The following MGRN1 variants were observed in gnomAD, a reference collection of about 807,000 sequenced individuals.
The protein encoded by MGRN1 is E3 ubiquitin-protein ligase MGRN1.
A neutral mutation model predicts 69.2 loss-of-function variants in MGRN1; 29 were observed. That is an observed-to-expected ratio of 0.42 (90% CI 0.31 to 0.57). MGRN1 has a LOEUF of 0.57. Among genes scored for constraint, MGRN1 ranks in the 20% least tolerant of loss-of-function variants. MGRN1 has a pLI of 0.15. For missense variants in MGRN1, 998 were observed against 796.2 expected, an observed-to-expected ratio of 1.25 and a Z score of -3.05; for synonymous variants, 470 against 344.2, an observed-to-expected ratio of 1.37 and a Z score of -4.04.
intron 4 of MGRN1, among the ~76,000 whole-genome samples, chr16:4,655,592 G>T (rs2078518923): frequency 6.6e-6 from 1 of 152,010 alleles, no homozygotes; most frequent in African/African-American, 2.4e-5. Context: ...CTCAGGACCT[G>T]GTACGAGGCC....
intron 4 of MGRN1, among the ~76,000 whole-genome samples, chr16:4,653,362 A>G (rs938259031): frequency 6.6e-6 from 1 of 152,172 alleles, no homozygotes; most frequent in East Asian, 1.9e-4. Context: ...TGAAAACCCC[A>G]TTTCAGGGCC....
chr16:4,686,267 C>A, intron 16 of MGRN1: 1 of 1,544,420 alleles, frequency 6.5e-7, no homozygotes, highest in Non-Finnish European at 8.7e-7. Context: ...AGCCCTGGGG[C>A]CCGACTCCTG....
intron 4 of MGRN1, among the ~76,000 whole-genome samples, chr16:4,655,709 C>T (rs545832205): frequency 6.6e-6 from 1 of 152,292 alleles, no homozygotes; most frequent in East Asian, 1.9e-4. Context: ...GCAGGGATCA[C>T]AGAAAAGGAC....
chr16:4,632,277 G>A (rs1373162907), intron 1 of MGRN1, among the ~76,000 whole-genome samples: 1 of 147,792 alleles, frequency 6.8e-6, no homozygotes, highest in East Asian at 2.0e-4. Context: ...GCCTCCGGAA[G>A]AGCTGGTATT....
intron 8 of MGRN1, 104 bp downstream of exon 8, chr16:4,668,416 TATACTC>T (rs879225994): frequency 9.4e-5 from 116 of 1,229,554 alleles, no homozygotes; most frequent in African/African-American, 4.9e-4. Context: ...CACACGCACA[TATACTC>T]ATACACGCTC....
intron 10 of MGRN1, among the ~76,000 whole-genome samples, chr16:4,676,196 G>C (rs1285137644): frequency 2.0e-5 from 3 of 152,238 alleles, no homozygotes; most frequent in African/African-American, 4.8e-5. Context: ...CGGCCGCCCA[G>C]CCTGTGGCAG....
chr16:4,659,064 C>G (rs2078617273), intron 5 of MGRN1: 1 of 151,936 alleles, frequency 6.6e-6, no homozygotes, highest in African/African-American at 2.4e-5. Flanking sequence ...CCGAACAGAT[C>G]AAAACTCCCA....
At chr16:4,657,948 T>A (rs2078588906) in intron 5 of MGRN1, among the ~76,000 whole-genome samples, 1 of 151,390 alleles carries the variant, frequency 6.6e-6, no homozygotes, top group African/African-American at 2.4e-5. Flanking sequence ...TTCACCGTGT[T>A]AGCCAGGATG....
chr16:4,655,596 C>T (rs180901141), intron 4 of MGRN1, among the ~76,000 whole-genome samples: 34 of 152,182 alleles, frequency 2.2e-4, no homozygotes, highest in Admixed American at 4.6e-4. Context: ...GGACCTGGTA[C>T]GAGGCCTGCT....
At chr16:4,680,373 T>C (rs969398730) in intron 12 of MGRN1, 3 of 438,162 alleles carry the variant, frequency 6.8e-6, no homozygotes, top group Non-Finnish European at 1.2e-5. Flanking sequence ...TTTTTTTTCT[T>C]GCTGGCAGTG....
chr16:4,652,635 G>A, intron 3 of MGRN1, 43 bp from the exon 4 acceptor site: 21 of 1,572,910 alleles, frequency 1.3e-5, no homozygotes, highest in Non-Finnish European at 1.8e-5. Context: ...CTCCGCAGAT[G>A]GGGCCGCTGA....
At chr16:4,667,132 G>A (rs1030802820) in intron 7 of MGRN1, among the ~76,000 whole-genome samples, 18 of 152,196 alleles carry the variant, frequency 1.2e-4, no homozygotes, top group Non-Finnish European at 1.9e-4. Context: ...TGCCTGCTGC[G>A]GGCTTCACGC....
chr16:4,627,996 T>C (rs1265939779), intron 1 of MGRN1, among the ~76,000 whole-genome samples: 40 of 116,560 alleles, frequency 3.4e-4, no homozygotes, highest in Middle Eastern at 6.6e-3. Context: ...AGGAGAATGG[T>C]GTGAACCCAG....
intron 1 of MGRN1, among the ~76,000 whole-genome samples, chr16:4,646,584 C>G (rs1249510165): frequency 2.6e-5 from 4 of 152,144 alleles, no homozygotes; most frequent in Non-Finnish European, 5.9e-5. Context: ...CTTGGGTGTC[C>G]TCACAGCATG....
In MGRN1 at chr16:4,683,885, G is replaced by A; in HGVS notation, c.1571G>A (p.Ser524Asn). 6.3e-7 allele frequency: 1 copy of A among 1,594,912 alleles called. No homozygotes were observed. The highest frequency in any genetic ancestry group is 8.6e-7 in the Non-Finnish European group (1 of 1,169,452). Residue 524 changes from serine (S) to asparagine (N), a missense_variant, in exon 16 of 17, where the codon AGC (serine) becomes AAC (asparagine). By Grantham distance (46) the Ser-to-Asn change is conservative. Coordinates refer to ENST00000262370, the MANE Select transcript of MGRN1 (RefSeq NM_015246.4). ...ASIENVLQDS[S>N]PEHCGRGPPA... The stretch of plus-strand genomic sequence containing the variant: ...ATTGAGAATGTCCTGCAGGACAGCA[G>A]CCCCGAGCACTGTGGCCGAGGCCCA...
intron 3 of MGRN1, 117 bp downstream of exon 3, chr16:4,652,168 C>T (rs996512835): frequency 3.1e-5 from 29 of 931,534 alleles, no homozygotes; most frequent in Non-Finnish European, 4.6e-5. Context: ...TTTCTGCGCC[C>T]TCCCGTGTGG....
intron 13 of MGRN1, among the ~76,000 whole-genome samples, chr16:4,682,335 C>T (rs553553074): frequency 3.9e-5 from 6 of 152,358 alleles, no homozygotes; most frequent in African/African-American, 9.6e-5. Flanking sequence ...ACGGGTCATT[C>T]GTGGTTCCCC....
chr16:4,677,753 G>A (rs985648758), intron 11 of MGRN1, among the ~76,000 whole-genome samples, 181 bp downstream of exon 11: 6 of 152,090 alleles, frequency 3.9e-5, no homozygotes, highest in East Asian at 1.9e-4. Flanking sequence ...CTGGGGTGCC[G>A]CTGCTGGGAA....
intron 15 of MGRN1, 119 bp from the exon 16 acceptor site, chr16:4,683,724 C>G (rs1000513613): frequency 1.3e-6 from 1 of 794,310 alleles, no homozygotes; most frequent in African/African-American, 1.7e-5. Flanking sequence ...GGAGCACAAG[C>G]CTGGGGTCCC....
Sources: allele counts gnomAD v4.1 joint callset (sites outside exome capture counted in the v4.1 genomes callset), GRCh38; gene constraint gnomAD v4.1.1; transcripts MANE v1.5; gene names NCBI Gene and HGNC (gene_info 2026-07-23, HGNC 2026-07-21).